TRIM26: variants seen among roughly 807,000 people sequenced by gnomAD.
TRIM26 encodes the protein tripartite motif containing 26, also known as tripartite motif-containing protein 26.
TRIM26 carries 16 observed loss-of-function variants against 45.5 expected under a neutral mutation model. The observed-to-expected ratio is 0.35, with a 90% confidence interval of 0.24 to 0.53. The LOEUF is 0.53. Ranked by LOEUF, TRIM26 falls within the 20% of genes least tolerant of loss-of-function variation. TRIM26 has a pLI of 0.92. For missense variants in TRIM26, 442 were observed against 691.1 expected (o/e 0.64, Z 4.04); for synonymous variants, 273 against 290.4 (o/e 0.94, Z 0.61).
At chr6:30,208,877 G>A (rs1777983223) in intron 1 of TRIM26, among the ~76,000 whole-genome samples, 1 of 149,866 alleles carries the variant, frequency 6.7e-6, no homozygotes, top group African/African-American at 2.5e-5. Context: ...TTTAATTTTT[G>A]CCACTCTGGA....
Position 30,189,087 on chromosome 6 carries a change from A to T in TRIM26, c.937+80T>A, listed in dbSNP as rs1415797749. On this transcript the variant is annotated intron_variant, in intron 9 of 9. Coordinates refer to ENST00000454678, the MANE Select transcript of TRIM26 (RefSeq NM_003449.5). This position sits in a 1 kb window ranked among gnomAD's most constrained non-coding sequence, Gnocchi z 5.0. ...TGTTGCAAAAGGGGCTACCTGGGGG[A>T]AAAGTGAGCAGTCAGAATCTCTGCA... is the stretch of plus-strand genomic sequence containing the variant. 1 of 1,492,562 alleles carries T rather than the reference A, an allele frequency of 6.7e-7. No homozygotes were observed. The highest frequency in any genetic ancestry group is 9.1e-7 in the Non-Finnish European group (1 of 1,099,498). The allele number at this position is 1,492,562 out of a possible 1,614,324, so 92.5% of individuals were successfully genotyped here.
chr6:30,192,488 G>C (rs1262435549), intron 6 of TRIM26, among the ~76,000 whole-genome samples: 1 of 150,782 alleles, frequency 6.6e-6, no homozygotes, highest in South Asian at 2.1e-4. Flanking sequence ...CTATCAAAAG[G>C]TCTCTTCTAT....
In TRIM26 at chr6:30,184,974, G is replaced by A. The variant is rs1775001117; in HGVS notation, c.*902C>T. The A allele has an allele frequency of 6.5e-6, 1 of 152,676 alleles. No homozygotes were observed. The highest frequency in any genetic ancestry group is 1.5e-5 in the Non-Finnish European group (1 of 68,094). The allele number at this position is 152,676 out of a possible 1,614,324, so 9.5% of individuals were successfully genotyped here. Reference sequence around the variant, plus strand: ...GGAAAGTGGAACCTGGATGCTGGTAGGGCCAGAGACAGAGGCTTAACACCC... The same window carrying A: ...GGAAAGTGGAACCTGGATGCTGGTAAGGCCAGAGACAGAGGCTTAACACCC... On this transcript the variant is annotated 3_prime_UTR_variant, in exon 10 of 10. Transcript: ENST00000454678.
Position 30,186,568 on chromosome 6 carries a change from C to CA in TRIM26, c.938-11dup. ...TCCAGGGTGACGCTCACTGTGGGGACAAGGGAAAAAAAAAAAAACAGCATC... is the reference window on the plus strand; with the variant it reads ...TCCAGGGTGACGCTCACTGTGGGGACAAAGGGAAAAAAAAAAAAACAGCATC... On this transcript the variant is annotated splice_polypyrimidine_tract_variant and intron_variant, in intron 9 of 9. Coordinates refer to ENST00000454678, the MANE Select transcript of TRIM26 (RefSeq NM_003449.5). The surrounding 1 kb of genome is among the most constrained non-coding windows in gnomAD (Gnocchi z 7.4). 1 of 1,404,274 alleles carries CA rather than the reference C, an allele frequency of 7.1e-7. No individual in the cohort carries two copies. Among genetic ancestry groups the CA allele is most frequent in the Non-Finnish European group, 9.2e-7 (1 of 1,081,482 alleles). 87.0% of individuals were successfully genotyped at this position (1,404,274 alleles called of 1,614,324 possible). A position where few individuals can be genotyped will look rare whatever the true frequency, so the allele number is the denominator to read the frequency against.
chr6:30,198,261 G>A lies in TRIM26; in HGVS notation c.534+168C>T, dbSNP rs1424525197. 6.6e-6 allele frequency among the ~76,000 whole-genome samples: 1 copy of A among 152,204 alleles called. No homozygotes were observed. The highest frequency in any genetic ancestry group is 2.4e-5 in the African/African-American group (1 of 41,448). ...AACAGGCCCAAGACTACACGGCTCA[G>A]AAAGACAGCACTTGGGCTAAAACCC... On this transcript the variant is annotated intron_variant, in intron 5 of 9. Coordinates refer to ENST00000454678, the MANE Select transcript of TRIM26 (RefSeq NM_003449.5). This position sits in a 1 kb window ranked among gnomAD's most constrained non-coding sequence, Gnocchi z 6.3.
chr6:30,205,203 T>C (rs924355273), intron 1 of TRIM26, among the ~76,000 whole-genome samples: 4 of 152,026 alleles, frequency 2.6e-5, no homozygotes, highest in Non-Finnish European at 4.4e-5. Flanking sequence ...ATCACGCCAA[T>C]TGCACTCCAG....
Position 30,186,021 on chromosome 6 carries a change from G to C in TRIM26, c.1475C>G (p.Ala492Gly). Residue 492 changes from alanine (A) to glycine (G), a missense_variant, in exon 10 of 10, where the codon GCC (alanine) becomes GGC (glycine). Transcript: ENST00000454678. The surrounding 1 kb of genome is among the most constrained non-coding windows in gnomAD (Gnocchi z 7.4). Reference sequence around the variant, plus strand: ...CACGGTGCCCCCTTCATAATCCAGGGCGATGCCCACTCTCCGGGGCCGCAG... The same window carrying C: ...CACGGTGCCCCCTTCATAATCCAGGCCGATGCCCACTCTCCGGGGCCGCAG... ...PALRPRRVGI[A>G]LDYEGGTVTF... is the part of the protein sequence containing the mutation. 1 of 1,610,032 alleles carries C rather than the reference G, an allele frequency of 6.2e-7. No homozygotes were observed. Among genetic ancestry groups the C allele is most frequent in the Non-Finnish European group, 8.5e-7 (1 of 1,178,658 alleles).
intron 1 of TRIM26, among the ~76,000 whole-genome samples, chr6:30,208,227 G>C (rs1777910659): frequency 6.6e-6 from 1 of 152,224 alleles, no homozygotes; most frequent in Non-Finnish European, 1.5e-5. Context: ...TCTCCAGCAA[G>C]ATGGTAGTAA....
Position 30,186,128 on chromosome 6 carries a change from T to C in TRIM26, c.1368A>G (p.Pro456=). The change falls in exon 10 of 10, where the codon CCA becomes CCG. Residue 456 remains proline, a synonymous_variant. Transcript: ENST00000454678. The surrounding 1 kb of genome is among the most constrained non-coding windows in gnomAD (Gnocchi z 7.4). ...GGCGCAGCGCCCACACGCCATCCTC[T>C]GGCCGCAGGGAGAGGTCTCCCTTCC... is the stretch of plus-strand genomic sequence containing the variant. ...VKRKGDLSLR[P]EDGVWALRLS... 1.3e-6 allele frequency: 2 copies of C among 1,591,346 alleles called. No individual in the cohort carries two copies. Among genetic ancestry groups the C allele is most frequent in the Non-Finnish European group, 1.7e-6 (2 of 1,168,524 alleles).
rs149573976 is a variant in TRIM26 at position 30,205,753 on chromosome 6, G to C, written c.-375-988C>G. ...GCTACTTAGGAAGTTGAGGCAGGAG[G>C]ATCTCCCGAGCCCGGGAAGTTGAGG... On this transcript the variant is annotated intron_variant, in intron 1 of 9. Coordinates refer to ENST00000454678, the MANE Select transcript of TRIM26 (RefSeq NM_003449.5). 4.4e-3 allele frequency among the ~76,000 whole-genome samples: 676 copies of C among 152,258 alleles called. 2 individuals are homozygous for C. Among genetic ancestry groups the C allele is most frequent in the African/African-American group, 0.011 (476 of 41,556 alleles).
At chr6:30,206,469 G>A (rs948780013) in intron 1 of TRIM26, among the ~76,000 whole-genome samples, 1 of 152,268 alleles carries the variant, frequency 6.6e-6, no homozygotes, top group African/African-American at 2.4e-5. Flanking sequence ...CAGCTGGGAG[G>A]TGGATGAGAC....
intron 9 of TRIM26, chr6:30,187,013 G>C: frequency 2.6e-6 from 1 of 388,040 alleles, no homozygotes; most frequent in Non-Finnish European, 4.8e-6. Context: ...GCAGTGAAAG[G>C]AACACTATGA....
chr6:30,186,263 T>C lies in TRIM26; in HGVS notation c.1233A>G (p.Glu411=), dbSNP rs1305663725. 1 of 1,607,300 alleles carries C rather than the reference T, an allele frequency of 6.2e-7. No individual in the cohort carries two copies. Among genetic ancestry groups the C allele is most frequent in the Admixed American group, 1.7e-5 (1 of 59,356 alleles). Residue 411 remains glutamate, a synonymous_variant, in exon 10 of 10, where the codon GAA becomes GAG. Transcript: ENST00000454678. The surrounding 1 kb of genome is among the most constrained non-coding windows in gnomAD (Gnocchi z 7.4). ...AGYGDGYDDW[E]TDEDEESLGD... ...CCAACGATTCCTCATCTTCGTCCGTTTCCCAGTCGTCATATCCATCCCCAT... is the reference window on the plus strand; with the variant it reads ...CCAACGATTCCTCATCTTCGTCCGTCTCCCAGTCGTCATATCCATCCCCAT...
rs150821623 is a variant in TRIM26, at chr6:30,189,326, A to C, written c.904+92T>G. 13,900 of 1,567,770 alleles carry C rather than the reference A, an allele frequency of 8.9e-3. 154 individuals are homozygous for C. The highest frequency in any genetic ancestry group is 0.047 in the Middle Eastern group (279 of 5,950). ...ACAAGAGGCCCTCAGAAGAGTGAGGATCGACAAGGTGATGGAAAGGAGCTG... is the reference window on the plus strand; with the variant it reads ...ACAAGAGGCCCTCAGAAGAGTGAGGCTCGACAAGGTGATGGAAAGGAGCTG... On this transcript the variant is annotated intron_variant, in intron 8 of 9. Coordinates refer to ENST00000454678, the MANE Select transcript of TRIM26 (RefSeq NM_003449.5). This position sits in a 1 kb window ranked among gnomAD's most constrained non-coding sequence, Gnocchi z 5.0.
rs999188203 is a variant in TRIM26 at position 30,190,569 on chromosome 6, C to T, written c.766-534G>A. 3.3e-5 allele frequency among the ~76,000 whole-genome samples: 5 copies of T among 152,110 alleles called. No individual in the cohort carries two copies. The highest frequency in any genetic ancestry group is 2.1e-4 in the South Asian group (1 of 4,810). ...ACCCCCGGAGTTATTGCTGGTCAGG[C>T]GGCCACCTGGGAAGACTACATTTTC... On this transcript the variant is annotated intron_variant, in intron 6 of 9. Transcript: ENST00000454678. The surrounding 1 kb of genome is among the most constrained non-coding windows in gnomAD (Gnocchi z 4.3).
At chr6:30,191,504 C>CATCA (rs1224429160) in intron 6 of TRIM26, among the ~76,000 whole-genome samples, 7 of 148,512 alleles carry the variant, frequency 4.7e-5, no homozygotes, top group Non-Finnish European at 3.0e-5. Flanking sequence ...GTAGCAAATA[C>CATCA]ATCATACTAC....
At chr6:30,206,840 T>C (rs1391209387) in intron 1 of TRIM26, among the ~76,000 whole-genome samples, 1 of 152,182 alleles carries the variant, frequency 6.6e-6, no homozygotes, top group Non-Finnish European at 1.5e-5. Flanking sequence ...TAGAACCCCT[T>C]ATTTACAGAG....
At position 30,185,957 on chromosome 6, in the gene TRIM26, G is replaced by A. The variant is rs769770440; in HGVS notation, c.1539C>T (p.Thr513=). The A allele has an allele frequency of 9.3e-6, 15 of 1,612,936 alleles. 1 individual carries two copies. In the South Asian group the frequency reaches 1.3e-4, roughly 14 times the overall value. The change falls in exon 10 of 10, where the codon ACC becomes ACT. Residue 513 remains threonine (T), a synonymous_variant. Coordinates refer to ENST00000454678, the MANE Select transcript of TRIM26 (RefSeq NM_003449.5). The surrounding 1 kb of genome is among the most constrained non-coding windows in gnomAD (Gnocchi z 5.7). The part of the protein sequence containing the change: ...TNAESQELIY[T]FTATFTRRLV... ...GGCGCCGGGTGAAGGTGGCAGTGAAGGTGTAGATGAGTTCCTGTGACTCTG... is the reference window on the plus strand; with the variant it reads ...GGCGCCGGGTGAAGGTGGCAGTGAAAGTGTAGATGAGTTCCTGTGACTCTG...
At chr6:30,204,467 TA>T (rs1777516461) in intron 2 of TRIM26, among the ~76,000 whole-genome samples, 188 bp downstream of exon 2, 1 of 152,186 alleles carries the variant, frequency 6.6e-6, no homozygotes, top group Admixed American at 6.5e-5. Flanking sequence ...GGGTGAGCAA[TA>T]AAGTGTCCCT....
Sources: allele counts gnomAD v4.1 joint callset (sites outside exome capture counted in the v4.1 genomes callset), GRCh38; gene constraint gnomAD v4.1.1; non-coding constraint Gnocchi (gnomAD v3.1); transcripts MANE v1.5; gene names NCBI Gene and HGNC (gene_info 2026-07-23, HGNC 2026-07-21).